Variants in NR3C2 observed in about 807,000 individuals in gnomAD.
NR3C2 encodes the protein nuclear receptor subfamily 3 group C member 2, also known as mineralocorticoid receptor.
In NR3C2, 15 loss-of-function variants were observed where a neutral mutation model predicts 86.4. The observed-to-expected ratio is 0.17, with a 90% CI of 0.12 to 0.27. NR3C2 has a LOEUF of 0.27. Ranked by LOEUF, NR3C2 falls within the 10% of genes least tolerant of loss-of-function variation. NR3C2 has a pLI of 1.00. For synonymous variants in NR3C2, 458 were observed against 450.5 expected, an observed-to-expected ratio of 1.02 and a Z score of -0.21; for missense variants, 960 against 1,195.6, an observed-to-expected ratio of 0.80 and a Z score of 2.91.
chr4:148,418,095 C>G (rs1749099253), intron 2 of NR3C2, among the ~76,000 whole-genome samples: 1 of 152,138 alleles, frequency 6.6e-6, no homozygotes, highest in African/African-American at 2.4e-5. Context: ...CAGGAAGGGT[C>G]CATGATTCTT....
At chr4:148,322,086 TCTCTCAGCATTTG>T (rs1743633069) in intron 2 of NR3C2, among the ~76,000 whole-genome samples, 1 of 152,000 alleles carries the variant, frequency 6.6e-6, no homozygotes, top group Non-Finnish European at 1.5e-5. Context: ...GGTGACAAAA[TCTCTCAGCATTTG>T]CTTGTCTGTA....
intron 2 of NR3C2, among the ~76,000 whole-genome samples, chr4:148,363,502 A>ATTTTTTTT (rs1414328296): frequency 0.05 from 806 of 16,156 alleles, 14 homozygotes; most frequent in Non-Finnish European, 0.09. Flanking sequence ...CTTCTCATAG[A>ATTTTTTTT]TCTCTTTTTT....
intron 6 of NR3C2, among the ~76,000 whole-genome samples, chr4:148,128,690 G>A (rs1396217027): frequency 6.7e-6 from 1 of 148,330 alleles, no homozygotes; most frequent in Non-Finnish European, 1.5e-5. Flanking sequence ...GCTCAGTTGA[G>A]TTCACCTTTG....
intron 2 of NR3C2, among the ~76,000 whole-genome samples, chr4:148,416,570 T>C (rs1241132844): frequency 6.6e-6 from 1 of 152,220 alleles, no homozygotes; most frequent in Non-Finnish European, 1.5e-5. Flanking sequence ...CTTCTGATAG[T>C]GCATGCTGCC....
chr4:148,421,564 G>C (rs1441723099), intron 2 of NR3C2, among the ~76,000 whole-genome samples: 1 of 152,104 alleles, frequency 6.6e-6, no homozygotes, highest in Non-Finnish European at 1.5e-5. Flanking sequence ...TCAACGCCTG[G>C]AAATAACTCA....
chr4:148,320,021 G>C (rs1728922209), intron 2 of NR3C2, among the ~76,000 whole-genome samples: 1 of 147,416 alleles, frequency 6.8e-6, no homozygotes, highest in Non-Finnish European at 1.5e-5. Context: ...GGTTTTCATA[G>C]ATAGCTCCTA....
intron 3 of NR3C2, among the ~76,000 whole-genome samples, chr4:148,229,226 C>T (rs958100071): frequency 3.3e-5 from 5 of 152,070 alleles, no homozygotes; most frequent in African/African-American, 1.2e-4. Flanking sequence ...TGGAACCACC[C>T]GAAATTCACG....
chr4:148,360,292 G>A (rs1745774064), intron 2 of NR3C2, among the ~76,000 whole-genome samples: 1 of 152,102 alleles, frequency 6.6e-6, no homozygotes, highest in South Asian at 2.1e-4. Flanking sequence ...CTGTACACAT[G>A]TTCTTTGTCC....
At chr4:148,285,172 A>G (rs1175135369) in intron 2 of NR3C2, among the ~76,000 whole-genome samples, 1 of 152,200 alleles carries the variant, frequency 6.6e-6, no homozygotes, top group Non-Finnish European at 1.5e-5. Context: ...TCTCATAAGA[A>G]TATTTTCTGC....
At chr4:148,123,217 A>G (rs747639625) in intron 6 of NR3C2, among the ~76,000 whole-genome samples, 4 of 152,078 alleles carry the variant, frequency 2.6e-5, no homozygotes, top group Non-Finnish European at 1.5e-5. Context: ...GGATGGGGAA[A>G]AACTCTGCCC....
chr4:148,325,474 TGAGA>T (rs1201566804), intron 2 of NR3C2, among the ~76,000 whole-genome samples: 2 of 151,392 alleles, frequency 1.3e-5, no homozygotes, highest in African/African-American at 4.9e-5. Context: ...TGTAGGTCAG[TGAGA>T]AAGAAATGGA....
intron 1 of NR3C2, among the ~76,000 whole-genome samples, chr4:148,441,691 G>A (rs1215015204): frequency 6.6e-6 from 1 of 152,168 alleles, no homozygotes; most frequent in East Asian, 1.9e-4. Context: ...GAATGCTAGC[G>A]AACGGGAAAT....
At chr4:148,330,136 GA>G (rs1744159240) in intron 2 of NR3C2, among the ~76,000 whole-genome samples, 4 of 152,100 alleles carry the variant, frequency 2.6e-5, no homozygotes, top group South Asian at 2.1e-4. Context: ...AATGCAAGTA[GA>G]AAAAAATAAC....
At chr4:148,299,872 G>T (rs1489577998) in intron 2 of NR3C2, among the ~76,000 whole-genome samples, 1 of 152,000 alleles carries the variant, frequency 6.6e-6, no homozygotes, top group Non-Finnish European at 1.5e-5. Flanking sequence ...TTAAAAGAAA[G>T]GTCCTTTTTT....
intron 3 of NR3C2, among the ~76,000 whole-genome samples, chr4:148,203,536 A>G (rs1736840533): frequency 6.6e-6 from 1 of 151,766 alleles, no homozygotes; most frequent in African/African-American, 2.4e-5. Context: ...TGTCACTTAC[A>G]TAACCTTGTT....
At chr4:148,395,078 G>C (rs183778231) in intron 2 of NR3C2, among the ~76,000 whole-genome samples, 4 of 152,156 alleles carry the variant, frequency 2.6e-5, no homozygotes, top group African/African-American at 7.2e-5. Flanking sequence ...GTGTTGGGAT[G>C]GGGGAGGTGA....
In NR3C2 at chr4:148,097,866, C is replaced by T. The variant is rs964474590; in HGVS notation, c.2799+16238G>A. The stretch of plus-strand genomic sequence containing the variant: ...CAGGGAAGCCAAAAGACTGGACACC[C>T]CTGGCTTAAGATGTTTTTCAGACCC... On this transcript the variant is annotated intron_variant, in intron 8 of 8. Transcript: ENST00000358102. Among the ~76,000 whole-genome samples the T allele has an allele frequency of 2.6e-5, 4 of 151,544 alleles. No individual in the cohort carries two copies. In the South Asian group the frequency reaches 6.3e-4, roughly 24 times the overall value.
chr4:148,429,520 A>G (rs61759962), intron 2 of NR3C2, among the ~76,000 whole-genome samples: 39 of 152,218 alleles, frequency 2.6e-4, no homozygotes, highest in Non-Finnish European at 4.3e-4. Flanking sequence ...TTTTCTACAT[A>G]AAAATTTTGG....
At position 148,152,513 on chromosome 4, in the gene NR3C2, C is replaced by A; in HGVS notation, c.2466G>T (p.Thr822=). 1 of 1,613,974 alleles carries A rather than the reference C, an allele frequency of 6.2e-7. No individual in the cohort carries two copies. The highest frequency in any genetic ancestry group is 1.1e-5 in the South Asian group (1 of 91,052). The change falls in exon 6 of 9, where the codon ACG becomes ACT. Residue 822 remains threonine (T), a synonymous_variant. Coordinates refer to ENST00000358102, the MANE Select transcript of NR3C2 (RefSeq NM_000901.5). ...GTGCAAAATAGAGAAATTGGCTGTT[C>A]GTATGTTTGTACGATCTCCAGCTCA... ...FALSWRSYKH[T]NSQFLYFAPD...
Sources: allele counts gnomAD v4.1 joint callset (sites outside exome capture counted in the v4.1 genomes callset), GRCh38; gene constraint gnomAD v4.1.1; transcripts MANE v1.5; gene names NCBI Gene and HGNC (gene_info 2026-07-23, HGNC 2026-07-21).